Variants in CNTRL observed in about 807,000 individuals in gnomAD.
CNTRL encodes the protein centriolin, also known as 110 kDa centrosomal protein.
Under a neutral mutation model 303.7 loss-of-function variants are expected in CNTRL, and 233 were observed. That is an observed-to-expected ratio of 0.77 (90% confidence interval 0.69 to 0.86). The LOEUF is 0.86. CNTRL is among the 40% of genes least tolerant of loss of function. The pLI is 0.00. For synonymous variants in CNTRL, 900 were observed against 922.2 expected, an observed-to-expected ratio of 0.98 and a Z score of 0.44; for missense variants, 2,524 against 2,650.6, an observed-to-expected ratio of 0.95 and a Z score of 1.05.
intron 13 of CNTRL, among the ~76,000 whole-genome samples, chr9:121,125,022 G>A (rs1472461106): frequency 6.6e-6 from 1 of 151,870 alleles, no homozygotes; most frequent in Non-Finnish European, 1.5e-5. Context: ...TACATGGGAT[G>A]TGTGTGTTTG....
chr9:121,124,193 G>A, intron 13 of CNTRL, 109 bp downstream of exon 13: 2 of 895,870 alleles, frequency 2.2e-6, no homozygotes, highest in Non-Finnish European at 3.2e-6. Flanking sequence ...TCACCTATTA[G>A]TACTAGTATT....
chr9:121,121,978 A>G (rs936142437), intron 12 of CNTRL: 1 of 939,516 alleles, frequency 1.1e-6, no homozygotes, highest in Middle Eastern at 5.5e-4. Context: ...CTCTCTGTAC[A>G]AAGGACTTAA....
chr9:121,151,861 G>C (rs1247927108), intron 25 of CNTRL, among the ~76,000 whole-genome samples: 1 of 152,218 alleles, frequency 6.6e-6, no homozygotes, highest in Non-Finnish European at 1.5e-5. Flanking sequence ...GGTCAGACTA[G>C]TTTTAGAGGG....
chr9:121,163,757 T>TA (rs756884976), intron 34 of CNTRL, among the ~76,000 whole-genome samples: 1 of 151,940 alleles, frequency 6.6e-6, no homozygotes, highest in Non-Finnish European at 1.5e-5. Context: ...CATGAAAAGA[T>TA]ACGCAGGATA....
At chr9:121,170,809 T>C (rs545503146) in intron 39 of CNTRL, among the ~76,000 whole-genome samples, 1 of 152,348 alleles carries the variant, frequency 6.6e-6, no homozygotes, top group Non-Finnish European at 1.5e-5. Context: ...CTGCCCTTTT[T>C]GGCCAACATT....
chr9:121,137,951 G>A (rs2051285862), intron 15 of CNTRL, among the ~76,000 whole-genome samples: 1 of 152,134 alleles, frequency 6.6e-6, no homozygotes, highest in African/African-American at 2.4e-5. Context: ...AAGACTGCCA[G>A]GATTGGTCTT....
At chr9:121,103,546 G>A (rs867760833) in intron 7 of CNTRL, among the ~76,000 whole-genome samples, 6 of 152,098 alleles carry the variant, frequency 3.9e-5, no homozygotes, top group African/African-American at 9.7e-5. Context: ...AAAATTGACA[G>A]ATGGGATCTA....
chr9:121,141,242 G>T lies in CNTRL; in HGVS notation c.2484-139G>T, dbSNP rs1224185697. 6.1e-6 allele frequency: 4 copies of T among 657,190 alleles called. No homozygotes were observed. The East Asian group carries it at 8.2e-5, about 13-fold the overall frequency. The allele number at this position is 657,190 out of a possible 1,614,324, so 40.7% of individuals were successfully genotyped here. The stretch of plus-strand genomic sequence containing the variant: ...ATAAAGCAATAATTTGCGCTTAGGA[G>T]ATGGTCAGTAAATTGCTATAGATTG... On this transcript the variant is annotated intron_variant, in intron 17 of 43. Coordinates refer to ENST00000373855, the MANE Select transcript of CNTRL (RefSeq NM_007018.6).
At position 121,141,526 on chromosome 9, in the gene CNTRL, G is replaced by C. The variant is rs961097848; in HGVS notation, c.2629G>C (p.Glu877Gln). The change falls in exon 18 of 44, where the codon GAG (glutamate) becomes CAG (glutamine). Residue 877 changes from glutamate (E) to glutamine (Q), a missense_variant. Physicochemically the swap from Glu to Gln is conservative, Grantham distance 29 (BLOSUM62 2). Transcript: ENST00000373855. ...CCAAGAAGAAATGGCTCTGCAGCAA[G>C]AGAAACTGGCAACTGGACAAGAAGA... ...KLQEEMALQQ[E>Q]KLATGQEEFR... 3 of 1,614,044 alleles carry C rather than the reference G, an allele frequency of 1.9e-6. No individual in the cohort carries two copies. The highest frequency in any genetic ancestry group is 2.5e-6 in the Non-Finnish European group (3 of 1,180,026).
chr9:121,151,384 C>CTTTTTTTTTTTTTTTTTTTTTTTTTTTT (rs200247383), intron 25 of CNTRL, among the ~76,000 whole-genome samples: 1 of 91,518 alleles, frequency 1.1e-5, no homozygotes, highest in Admixed American at 1.7e-4. Flanking sequence ...CTTTTTTCTT[C>CTTTTTTTTTTTTTTTTTTTTTTTTTTTT]TTCTTTTTTT....
intron 14 of CNTRL, among the ~76,000 whole-genome samples, chr9:121,130,855 G>T (rs1338766198): frequency 2.0e-5 from 3 of 152,196 alleles, no homozygotes; most frequent in African/African-American, 7.2e-5. Flanking sequence ...TGGTTTCAAA[G>T]AACATCTTTA....
intron 13 of CNTRL, among the ~76,000 whole-genome samples, chr9:121,124,523 G>A (rs2050397879): frequency 6.6e-6 from 1 of 152,142 alleles, no homozygotes; most frequent in African/African-American, 2.4e-5. Context: ...AGGCCATAGT[G>A]GTTTTTACAC....
chr9:121,140,704 G>A lies in CNTRL; in HGVS notation c.2401G>A (p.Asp801Asn). Residue 801 changes from aspartate (D) to asparagine (N), a missense_variant, in exon 17 of 44, where the codon GAT (aspartate) becomes AAT (asparagine). Coordinates refer to ENST00000373855, the MANE Select transcript of CNTRL (RefSeq NM_007018.6). ...DFQNHLNHVV[D>N]GLVRPEEVAA... ...CCAGAATCACCTTAACCATGTGGTT[G>A]ATGGTTTGGTTCGTCCAGAAGAAGT... 6.2e-7 allele frequency: 1 copy of A among 1,613,578 alleles called. No individual in the cohort carries two copies. Among genetic ancestry groups the A allele is most frequent in the Non-Finnish European group, 8.5e-7 (1 of 1,179,636 alleles).
At chr9:121,172,812 T>A (rs2053367140) in intron 40 of CNTRL, among the ~76,000 whole-genome samples, 1 of 152,218 alleles carries the variant, frequency 6.6e-6, no homozygotes, top group African/African-American at 2.4e-5. Context: ...GCCACTGAGG[T>A]GCTTCATGTA....
chr9:121,157,397 A>T, intron 27 of CNTRL, 73 bp from the exon 28 acceptor site: 1 of 1,493,026 alleles, frequency 6.7e-7, no homozygotes, highest in Non-Finnish European at 9.1e-7. Flanking sequence ...AAAGAGCTGT[A>T]CTGGTTTACA....
At chr9:121,150,592 G>A in intron 25 of CNTRL, 109 bp downstream of exon 25, 1 of 1,016,898 alleles carries the variant, frequency 9.8e-7, no homozygotes, top group Non-Finnish European at 1.5e-6. Context: ...ATGGCAAAGT[G>A]TGTTTGTAAG....
intron 7 of CNTRL, among the ~76,000 whole-genome samples, chr9:121,106,337 C>CAAAAAA: frequency 1.0e-5 from 1 of 96,602 alleles, no homozygotes; most frequent in Non-Finnish European, 2.1e-5. Flanking sequence ...AGACTCCGTC[C>CAAAAAA]AAAAAAAAAA....
At position 121,145,324 on chromosome 9, in the gene CNTRL, A is replaced by G. The variant is rs371710791; in HGVS notation, c.3249A>G (p.Thr1083=). ...TAGAAATTGAGAAACTGAATGAGAC[A>G]ATGGAACGACAAAGGACAGAGATTG... ...QVLEIEKLNE[T]MERQRTEIAR... is the part of the protein sequence containing the mutation. Residue 1083 remains threonine, a synonymous_variant, in exon 22 of 44, where the codon ACA becomes ACG. Transcript: ENST00000373855. 2.5e-6 allele frequency: 4 copies of G among 1,614,144 alleles called. No individual in the cohort carries two copies. The highest frequency in any genetic ancestry group is 3.4e-6 in the Non-Finnish European group (4 of 1,179,990).
chr9:121,139,801 T>A (rs72760233), intron 16 of CNTRL, among the ~76,000 whole-genome samples: 12,612 of 152,228 alleles, frequency 0.083, 563 homozygotes, highest in Non-Finnish European at 0.11. Flanking sequence ...TAAAGAAAAA[T>A]TTCATACATC....
Sources: gnomAD v4.1 joint callset for allele counts (sites outside exome capture counted in the v4.1 genomes callset) on GRCh38, gnomAD v4.1.1 for gene constraint, MANE v1.5 for transcripts, NCBI Gene and HGNC (gene_info 2026-07-23, HGNC 2026-07-21) for gene names.